Variants in RAB2A observed in about 807,000 individuals in gnomAD.
RAB2A encodes the protein ras-related protein Rab-2A.
A neutral mutation model predicts 32.5 loss-of-function variants in RAB2A; 7 were observed. The observed-to-expected ratio is 0.22, with a 90% confidence interval of 0.12 to 0.40. RAB2A has a LOEUF of 0.40. RAB2A is among the 10% of genes least tolerant of loss of function. The pLI is 1.00. For missense variants in RAB2A, 108 were observed against 260.7 expected, an observed-to-expected ratio of 0.41 and a Z score of 4.03; for synonymous variants, 79 against 85.2, an observed-to-expected ratio of 0.93 and a Z score of 0.40.
At chr8:60,598,937 CAAAAAAAAAAAAAAAAAAAA>C in intron 6 of RAB2A, among the ~76,000 whole-genome samples, 1 of 40,386 alleles carries the variant, frequency 2.5e-5, no homozygotes, top group Admixed American at 4.9e-4. Flanking sequence ...TGCAGTAAAG[CAAAAAAAAAAAAAAAAAAAA>C]AAAAAAAAAG....
At chr8:60,523,404 G>A (rs899651290) in intron 1 of RAB2A, among the ~76,000 whole-genome samples, 2 of 151,770 alleles carry the variant, frequency 1.3e-5, no homozygotes, top group Non-Finnish European at 2.9e-5. Flanking sequence ...TGATCCGCCC[G>A]CCTCTGCCTC....
chr8:60,583,191 T>G (rs1803791754), intron 3 of RAB2A, among the ~76,000 whole-genome samples: 1 of 152,166 alleles, frequency 6.6e-6, no homozygotes, highest in Admixed American at 6.5e-5. Context: ...AGATCAGAAC[T>G]CAGAATGTGT....
rs1804534566 is a variant in RAB2A at position 60,621,887 on chromosome 8, AG to A, written c.*1119del. The A allele has an allele frequency of 3.3e-5, 5 of 152,238 alleles. No homozygotes were observed. Among genetic ancestry groups the A allele is most frequent in the Non-Finnish European group, 5.9e-5 (4 of 68,044 alleles). The allele number at this position is 152,238 out of a possible 1,614,324, so 9.4% of individuals were successfully genotyped here. A position where few individuals can be genotyped will look rare whatever the true frequency, so the allele number is the denominator to read the frequency against. ...CAGATGGAAAATCCTGTTACAAAGT[AG>A]AAAAGCTTTAGTAATTTACTCAGTG... is the stretch of plus-strand genomic sequence containing the variant. On this transcript the variant is annotated 3_prime_UTR_variant, in exon 8 of 8. Transcript: ENST00000262646.
chr8:60,536,809 A>G lies in RAB2A; in HGVS notation c.46+19556A>G, dbSNP rs540933104. ...ACAAATGGCAGTATGTATCTGAGAA[A>G]GAACAAATTCAGGAGGTTGAGTGGC... is the stretch of plus-strand genomic sequence containing the variant. On this transcript the variant is annotated intron_variant, in intron 1 of 7. Coordinates refer to ENST00000262646, the MANE Select transcript of RAB2A (RefSeq NM_002865.3). Among the ~76,000 whole-genome samples the G allele has an allele frequency of 3.9e-5, 6 of 152,352 alleles. No individual in the cohort carries two copies. In the East Asian group the frequency reaches 1.2e-3, roughly 29 times the overall value.
At chr8:60,564,081 T>C (rs1167667872) in intron 2 of RAB2A, among the ~76,000 whole-genome samples, 2 of 152,238 alleles carry the variant, frequency 1.3e-5, no homozygotes, top group African/African-American at 4.8e-5. Context: ...AATTGTACTT[T>C]TATTTCCATT....
chr8:60,620,161 T>C (rs1349310207), intron 7 of RAB2A, among the ~76,000 whole-genome samples: 1 of 152,256 alleles, frequency 6.6e-6, no homozygotes, highest in Non-Finnish European at 1.5e-5. Flanking sequence ...AGTGTGAGTT[T>C]GATGAATGAA....
At chr8:60,530,206 T>C (rs1807455492) in intron 1 of RAB2A, among the ~76,000 whole-genome samples, 1 of 149,994 alleles carries the variant, frequency 6.7e-6, no homozygotes, top group Non-Finnish European at 1.5e-5. Context: ...TGGAGTGCAG[T>C]GACACAGTCT....
rs140887612 is a variant in RAB2A at position 60,525,511 on chromosome 8, C to T, written c.46+8258C>T. Among the ~76,000 whole-genome samples the T allele has an allele frequency of 8.6e-4, 131 of 152,268 alleles. 1 individual carries two copies. The highest frequency in any genetic ancestry group is 1.8e-3 in the Admixed American group (27 of 15,284). ...AAAGATCTAGGGGTGTCTGACTCCA[C>T]GGGCCATTCTCTTGATTACAGGGTG... On this transcript the variant is annotated intron_variant, in intron 1 of 7. Transcript: ENST00000262646.
intron 1 of RAB2A, among the ~76,000 whole-genome samples, chr8:60,519,305 A>G (rs1291230848): frequency 2.0e-5 from 3 of 152,060 alleles, no homozygotes; most frequent in African/African-American, 7.2e-5. Context: ...TTTAGCCCCT[A>G]TCTACATTTC....
intron 2 of RAB2A, among the ~76,000 whole-genome samples, chr8:60,560,181 C>G (rs1345938884): frequency 2.0e-5 from 3 of 152,112 alleles, no homozygotes; most frequent in African/African-American, 7.2e-5. Flanking sequence ...CCCCCAAATC[C>G]CTGGCTCATT....
At chr8:60,530,181 C>T (rs562698104) in intron 1 of RAB2A, among the ~76,000 whole-genome samples, 11 of 146,050 alleles carry the variant, frequency 7.5e-5, no homozygotes, top group Non-Finnish European at 1.6e-4. Context: ...GAGAGTCTCG[C>T]TCTGTCACCC....
chr8:60,591,188 TC>T (rs987878368), intron 5 of RAB2A, among the ~76,000 whole-genome samples: 9 of 150,878 alleles, frequency 6.0e-5, no homozygotes, highest in Admixed American at 1.3e-4. Context: ...CTACCTCCCC[TC>T]CCCCCCACTA....
At chr8:60,519,513 A>C (rs79449644) in intron 1 of RAB2A, among the ~76,000 whole-genome samples, 1 of 152,082 alleles carries the variant, frequency 6.6e-6, no homozygotes, top group Non-Finnish European at 1.5e-5. Flanking sequence ...ACATATATTA[A>C]GCTCTTATTG....
At chr8:60,601,370 C>T (rs1030142841) in intron 6 of RAB2A, among the ~76,000 whole-genome samples, 2 of 150,798 alleles carry the variant, frequency 1.3e-5, no homozygotes, top group Non-Finnish European at 3.0e-5. Context: ...GATGGAGTGT[C>T]GCTCTCACCC....
chr8:60,605,094 G>A (rs943957320), intron 6 of RAB2A, among the ~76,000 whole-genome samples: 5 of 152,134 alleles, frequency 3.3e-5, no homozygotes, highest in African/African-American at 1.2e-4. Context: ...CACAGCCTCA[G>A]GACACTACTC....
At chr8:60,605,102 C>A (rs1428884977) in intron 6 of RAB2A, among the ~76,000 whole-genome samples, 1 of 152,278 alleles carries the variant, frequency 6.6e-6, no homozygotes, top group East Asian at 1.9e-4. Flanking sequence ...CAGGACACTA[C>A]TCCCTGCATC....
At chr8:60,535,907 A>G (rs1471317753) in intron 1 of RAB2A, among the ~76,000 whole-genome samples, 1 of 152,154 alleles carries the variant, frequency 6.6e-6, no homozygotes, top group Non-Finnish European at 1.5e-5. Context: ...TCAGTCTAGG[A>G]CACCTGTCTC....
intron 5 of RAB2A, among the ~76,000 whole-genome samples, chr8:60,586,666 CA>C (rs1168796483): frequency 6.6e-6 from 1 of 152,066 alleles, no homozygotes; most frequent in Non-Finnish European, 1.5e-5. Context: ...TCTGTAATCC[CA>C]GCACTTTGGG....
At chr8:60,553,120 C>T (rs1485527649) in intron 1 of RAB2A, 1 of 152,148 alleles carries the variant, frequency 6.6e-6, no homozygotes, top group Non-Finnish European at 1.5e-5. Context: ...AAGTCAGCAT[C>T]CAACTGGAGA....
Sources: gnomAD v4.1 joint callset for allele counts (sites outside exome capture counted in the v4.1 genomes callset) on GRCh38, gnomAD v4.1.1 for gene constraint, MANE v1.5 for transcripts, NCBI Gene and HGNC (gene_info 2026-07-23, HGNC 2026-07-21) for gene names.